Variants in UST observed in about 807,000 individuals in gnomAD.
UST encodes chondroitin sulfate 2-O-sulfotransferase.
In UST, 21 loss-of-function variants were observed where a neutral mutation model predicts 45.6. The observed-to-expected ratio is 0.46, with a 90% CI of 0.33 to 0.66. The LOEUF is 0.66. UST is among the 30% of genes least tolerant of loss of function. The pLI, the probability that UST is intolerant of heterozygous loss-of-function variation, is 0.02. For missense variants in UST, 463 were observed against 512.4 expected (o/e 0.90, Z 0.93); for synonymous variants, 215 against 200.6 (o/e 1.07, Z -0.61).
At chr6:148,891,077 A>G (rs1287354746) in intron 2 of UST, among the ~76,000 whole-genome samples, 2 of 152,202 alleles carry the variant, frequency 1.3e-5, no homozygotes, top group African/African-American at 4.8e-5. Flanking sequence ...ACTTTAATGC[A>G]TAATTTGAGT....
At chr6:149,063,543 C>T (rs1011005918) in intron 7 of UST, among the ~76,000 whole-genome samples, 16 of 152,158 alleles carry the variant, frequency 1.1e-4, no homozygotes, top group African/African-American at 3.6e-4. Context: ...CTGAAATGTA[C>T]AGACCCCAGC....
intron 1 of UST, among the ~76,000 whole-genome samples, chr6:148,822,700 T>C (rs192909339): frequency 6.6e-6 from 1 of 152,320 alleles, no homozygotes; most frequent in African/African-American, 2.4e-5. Flanking sequence ...CAAACAAACC[T>C]GATTTCCCTT....
chr6:149,000,748 T>C (rs146030412), intron 5 of UST, among the ~76,000 whole-genome samples: 64 of 151,908 alleles, frequency 4.2e-4, no homozygotes, highest in African/African-American at 1.4e-3. Flanking sequence ...AAGAGAGACA[T>C]GAAACAAGGA....
At chr6:148,888,203 T>C (rs779898422) in intron 2 of UST, among the ~76,000 whole-genome samples, 3 of 151,934 alleles carry the variant, frequency 2.0e-5, no homozygotes, top group South Asian at 2.1e-4. Context: ...ACAAGAGGGA[T>C]TGGGGGAGGT....
At chr6:148,883,938 C>A (rs72992389) in intron 1 of UST, among the ~76,000 whole-genome samples, 15,488 of 152,112 alleles carry the variant, frequency 0.1, 1,138 homozygotes, top group East Asian at 0.36. Flanking sequence ...TCAAGACCAG[C>A]CTGGCCAACA....
intron 7 of UST, among the ~76,000 whole-genome samples, chr6:149,046,394 C>G (rs1182048364): frequency 6.6e-6 from 1 of 152,240 alleles, no homozygotes; most frequent in Non-Finnish European, 1.5e-5. Context: ...TTCACTTCAG[C>G]TTGTTCTGGA....
chr6:148,901,702 C>T lies in UST; in HGVS notation c.291+14673C>T, dbSNP rs147124001. Among the ~76,000 whole-genome samples, 315 of 152,102 alleles carry T rather than the reference C, an allele frequency of 2.1e-3. 1 individual carries two copies. Among genetic ancestry groups the T allele is most frequent in the African/African-American group, 7.4e-3 (308 of 41,518 alleles). ...CCTCCTGAGTAGCTGGGATTGCAGGCGCCTGCCACCACGCCCAGCTAATTT... is the reference window on the plus strand; with the variant it reads ...CCTCCTGAGTAGCTGGGATTGCAGGTGCCTGCCACCACGCCCAGCTAATTT... On this transcript the variant is annotated intron_variant, in intron 2 of 7. Transcript: ENST00000367463.
chr6:149,049,346 G>A (rs1484038778), intron 7 of UST, among the ~76,000 whole-genome samples: 1 of 152,150 alleles, frequency 6.6e-6, no homozygotes, highest in Non-Finnish European at 1.5e-5. Context: ...GATGTGACAT[G>A]AAGTAAAGGA....
intron 5 of UST, among the ~76,000 whole-genome samples, chr6:148,982,114 T>TA (rs1377892797): frequency 6.6e-6 from 1 of 151,302 alleles, no homozygotes; most frequent in African/African-American, 2.4e-5. Flanking sequence ...GTTTTTTTTT[T>TA]TTGAGATGGA....
chr6:149,015,428 A>G (rs1004598004), intron 5 of UST, among the ~76,000 whole-genome samples: 3 of 152,168 alleles, frequency 2.0e-5, no homozygotes, highest in Non-Finnish European at 4.4e-5. Context: ...GTGGGGTCTT[A>G]TGTTAAGACC....
intron 1 of UST, among the ~76,000 whole-genome samples, chr6:148,788,326 C>T (rs2114699299): frequency 6.6e-6 from 1 of 152,168 alleles, no homozygotes; most frequent in Admixed American, 6.5e-5. Flanking sequence ...CAAACCATAT[C>T]ATCGTTCAAC....
rs1776078164 is a variant in UST at position 149,028,165 on chromosome 6, G to A, written c.937+6684G>A. Among the ~76,000 whole-genome samples the A allele has an allele frequency of 2.6e-5, 4 of 152,260 alleles. No homozygotes were observed. The South Asian group carries it at 8.3e-4, about 32-fold the overall frequency. Reference sequence around the variant, plus strand: ...GGCCTAGTATGTCATAATGATTAGAGCACAGGCTCTGAGATAGATAGCCCG... The same window carrying A: ...GGCCTAGTATGTCATAATGATTAGAACACAGGCTCTGAGATAGATAGCCCG... On this transcript the variant is annotated intron_variant, in intron 7 of 7. Coordinates refer to ENST00000367463, the MANE Select transcript of UST (RefSeq NM_005715.3).
chr6:149,051,454 A>G (rs891409372), intron 7 of UST, among the ~76,000 whole-genome samples: 1 of 152,228 alleles, frequency 6.6e-6, no homozygotes, highest in Non-Finnish European at 1.5e-5. Flanking sequence ...GGGCCTGCAA[A>G]TGGTCCTGAT....
chr6:149,017,135 T>C (rs2115017486), intron 5 of UST, among the ~76,000 whole-genome samples: 1 of 152,322 alleles, frequency 6.6e-6, no homozygotes, highest in South Asian at 2.1e-4. Flanking sequence ...CCCAGCTCTT[T>C]GGGAGGCCGA....
chr6:148,759,905 GGA>G (rs1299275817), intron 1 of UST, among the ~76,000 whole-genome samples: 2 of 151,558 alleles, frequency 1.3e-5, no homozygotes, highest in Non-Finnish European at 2.9e-5. Flanking sequence ...CACTCCCAGG[GGA>G]GAGTGTTTCT....
intron 1 of UST, among the ~76,000 whole-genome samples, chr6:148,827,132 A>G (rs1454108647): frequency 2.0e-5 from 3 of 152,200 alleles, no homozygotes; most frequent in Non-Finnish European, 4.4e-5. Flanking sequence ...TCTATAGTGC[A>G]TGTGGTTTAT....
chr6:148,751,809 C>A (rs1234813350), intron 1 of UST, among the ~76,000 whole-genome samples: 1 of 152,086 alleles, frequency 6.6e-6, no homozygotes, highest in Non-Finnish European at 1.5e-5. Context: ...AATAAAATCT[C>A]CCCCAGAAAT....
intron 1 of UST, among the ~76,000 whole-genome samples, chr6:148,874,412 T>C (rs1247479873): frequency 6.6e-6 from 1 of 152,182 alleles, no homozygotes; most frequent in African/African-American, 2.4e-5. Flanking sequence ...GGGAAGAGCA[T>C]TAATTTGCTT....
chr6:148,979,854 A>G (rs1048759219), intron 5 of UST, among the ~76,000 whole-genome samples: 3 of 152,178 alleles, frequency 2.0e-5, no homozygotes, highest in African/African-American at 7.2e-5. Context: ...TGTATCTGAG[A>G]TTTTAACTTT....
Sources: allele counts gnomAD v4.1 joint callset (sites outside exome capture counted in the v4.1 genomes callset), GRCh38; gene constraint gnomAD v4.1.1; transcripts MANE v1.5; gene names NCBI Gene and HGNC (gene_info 2026-07-23, HGNC 2026-07-21).